Variants in NANS observed in about 807,000 individuals in gnomAD.
The protein encoded by NANS is N-acetylneuraminate-9-phosphate synthase.
A neutral mutation model predicts 33.3 loss-of-function variants in NANS; 29 were observed. That is an observed-to-expected ratio of 0.87 (90% CI 0.65 to 1.19). The LOEUF (loss-of-function observed/expected upper bound fraction) is 1.19. NANS is among the 50% of genes most tolerant of loss of function. The probability of loss-of-function intolerance (pLI) is 0.00; values close to 1 mark genes in which losing one functional copy is unlikely to be tolerated. For synonymous variants in NANS, 163 were observed against 177.2 expected, an observed-to-expected ratio of 0.92 and a Z score of 0.64; for missense variants, 394 against 461.1, an observed-to-expected ratio of 0.85 and a Z score of 1.33.
intron 2 of NANS, among the ~76,000 whole-genome samples, chr9:98,071,121 A>G (rs1338659498): frequency 6.6e-6 from 1 of 152,146 alleles, no homozygotes; most frequent in African/African-American, 2.4e-5. Context: ...CTCCTTAGTA[A>G]TTTTTAAGAA....
At chr9:98,080,705 C>T in intron 4 of NANS, 111 bp from the exon 5 acceptor site, 15 of 1,239,914 alleles carry the variant, frequency 1.2e-5, no homozygotes, top group Non-Finnish European at 1.7e-5. Flanking sequence ...TTGCCCCTGG[C>T]TGCACAGCTA....
intron 2 of NANS, chr9:98,069,663 T>A (rs1052308675): frequency 2.6e-5 from 4 of 152,244 alleles, no homozygotes. Flanking sequence ...GGGAACATAC[T>A]GTACGATTCT....
chr9:98,067,052 G>A (rs1053106807), intron 2 of NANS, among the ~76,000 whole-genome samples: 1 of 152,082 alleles, frequency 6.6e-6, no homozygotes, highest in Admixed American at 6.6e-5. Flanking sequence ...ATATAACATT[G>A]TGTTTTCATT....
At chr9:98,074,294 A>G (rs1254024085) in intron 2 of NANS, among the ~76,000 whole-genome samples, 1 of 152,138 alleles carries the variant, frequency 6.6e-6, no homozygotes, top group Non-Finnish European at 1.5e-5. Flanking sequence ...TCAGACTCCC[A>G]CAGACTTTGT....
intron 2 of NANS, among the ~76,000 whole-genome samples, chr9:98,062,082 C>T (rs117498464): frequency 1.2e-4 from 18 of 151,872 alleles, no homozygotes; most frequent in East Asian, 1.2e-3. Context: ...ATTAGCCAGG[C>T]GTGGTGGCGT....
intron 2 of NANS, among the ~76,000 whole-genome samples, chr9:98,069,900 T>C (rs1441559921): frequency 6.6e-6 from 1 of 152,160 alleles, no homozygotes; most frequent in African/African-American, 2.4e-5. Flanking sequence ...CAGAAATGAA[T>C]ACTTGTAGAA....
At chr9:98,082,762 G>C in intron 5 of NANS, 84 bp from the exon 6 acceptor site, 1 of 1,340,660 alleles carries the variant, frequency 7.5e-7, no homozygotes, top group South Asian at 1.3e-5. Flanking sequence ...GGGGAAGACT[G>C]ATCAGGGACC....
chr9:98,061,203 T>C (rs1828964656), intron 2 of NANS: 3 of 571,300 alleles, frequency 5.3e-6, no homozygotes, highest in East Asian at 6.0e-5. Flanking sequence ...CTGGCCGGGC[T>C]TGATGGCTCA....
At position 98,080,984 on chromosome 9, in the gene NANS, G is replaced by T. The variant is rs200709126; in HGVS notation, c.772G>T (p.Glu258Ter). 8.1e-6 allele frequency: 13 copies of T among 1,614,096 alleles called. No individual in the cohort carries two copies. The highest frequency in any genetic ancestry group is 1.7e-5 in the Admixed American group (1 of 60,004). ...SDHSASLEPG[E>*]LAELVRSVRL... ...CCACTCGGCCTCGCTGGAGCCTGGAGAACTGGCCGAGCTGGTGCGGTCAGT... is the reference window on the plus strand; with the variant it reads ...CCACTCGGCCTCGCTGGAGCCTGGATAACTGGCCGAGCTGGTGCGGTCAGT... Residue 258 changes from glutamate (E) to a stop codon, truncating the protein, a stop_gained, in exon 5 of 6, where the codon GAA becomes TAA. Transcript: ENST00000210444. LOFTEE classifies it high-confidence loss of function.
chr9:98,080,431 A>T (rs912849369), intron 4 of NANS, among the ~76,000 whole-genome samples: 1 of 152,232 alleles, frequency 6.6e-6, no homozygotes, highest in Non-Finnish European at 1.5e-5. Context: ...ATATTTGTGC[A>T]TATAGCACAC....
Position 98,056,976 on chromosome 9 carries a change from G to T in NANS, c.132+36G>T, listed in dbSNP as rs751005513. ...AGCTCCCGGGACCCGGGATTCGGGCGCCGGGAGGGGCGGGGCGGGGCCGCG... is the reference window on the plus strand; with the variant it reads ...AGCTCCCGGGACCCGGGATTCGGGCTCCGGGAGGGGCGGGGCGGGGCCGCG... On this transcript the variant is annotated intron_variant, in intron 1 of 5. Coordinates refer to ENST00000210444, the MANE Select transcript of NANS (RefSeq NM_018946.4). 30 of 1,537,408 alleles carry T rather than the reference G, an allele frequency of 2.0e-5. No individual in the cohort carries two copies. In the Admixed American group the frequency reaches 5.5e-4, roughly 28 times the overall value.
At chr9:98,070,579 C>T (rs374226956) in intron 2 of NANS, among the ~76,000 whole-genome samples, 9 of 152,018 alleles carry the variant, frequency 5.9e-5, no homozygotes, top group African/African-American at 1.7e-4. Flanking sequence ...CGCCACCACA[C>T]CCGACTAATT....
chr9:98,067,826 A>G (rs535840817), intron 2 of NANS, among the ~76,000 whole-genome samples: 4 of 133,840 alleles, frequency 3.0e-5, no homozygotes, highest in East Asian at 2.0e-4. Flanking sequence ...AGCTCAAGCA[A>G]TCCTCCCACC....
rs530409711 is a variant in NANS at position 98,079,159 on chromosome 9, T to C, written c.603+812T>C. Among the ~76,000 whole-genome samples the C allele has an allele frequency of 1.8e-3, 271 of 152,308 alleles. 1 individual carries two copies. Among genetic ancestry groups the C allele is most frequent in the Admixed American group, 4.6e-3 (70 of 15,290 alleles). ...CAGTCCCAAGTCGGGAAGCCTGAGA[T>C]CCCACAGCAGCTTGGTGGCAAAGCT... On this transcript the variant is annotated intron_variant, in intron 4 of 5. Coordinates refer to ENST00000210444, the MANE Select transcript of NANS (RefSeq NM_018946.4).
At chr9:98,080,698 C>T in intron 4 of NANS, 118 bp from the exon 5 acceptor site, 2 of 1,146,818 alleles carry the variant, frequency 1.7e-6, no homozygotes, top group South Asian at 1.6e-5. Context: ...CAGTATCTTG[C>T]CCCTGGCTGC....
In NANS at chr9:98,081,041, A is replaced by G. The variant is rs745933894; in HGVS notation, c.829A>G (p.Thr277Ala). Residue 277 changes from threonine to alanine, a missense_variant, in exon 5 of 6, where the codon ACC becomes GCC. Coordinates refer to ENST00000210444, the MANE Select transcript of NANS (RefSeq NM_018946.4). ...TGTGGAGCGTGCCCTGGGCTCCCCA[A>G]CCAAGCAGCTGCTGCCCTGTGAGAT... is the stretch of plus-strand genomic sequence containing the variant. ...RLVERALGSPTKQLLPCEMAC... is the reference protein window; with the variant it reads ...RLVERALGSPAKQLLPCEMAC... The G allele has an allele frequency of 1.9e-5, 31 of 1,614,008 alleles. No individual in the cohort carries two copies. The highest frequency in any genetic ancestry group is 3.3e-4 in the Middle Eastern group (2 of 6,084).
chr9:98,063,599 C>T (rs1367621177), intron 2 of NANS, among the ~76,000 whole-genome samples: 2 of 151,316 alleles, frequency 1.3e-5, no homozygotes, highest in African/African-American at 2.4e-5. Context: ...TGGAGTGCAA[C>T]GATGCAATCA....
In NANS at chr9:98,056,960, G is replaced by A. The variant is rs1828843386; in HGVS notation, c.132+20G>A. The A allele has an allele frequency of 1.3e-6, 2 of 1,562,258 alleles. No individual in the cohort carries two copies. Among genetic ancestry groups the A allele is most frequent in the Admixed American group, 3.6e-5 (2 of 55,394 alleles). On this transcript the variant is annotated intron_variant, in intron 1 of 5. Transcript: ENST00000210444. ...GCCAAGGTGAGGCGGCAGCTCCCGG[G>A]ACCCGGGATTCGGGCGCCGGGAGGG...
At chr9:98,072,413 ATT>A (rs1004255694) in intron 2 of NANS, among the ~76,000 whole-genome samples, 11 of 132,126 alleles carry the variant, frequency 8.3e-5, no homozygotes, top group Admixed American at 1.5e-4. Context: ...GGGAAAGTGC[ATT>A]TTTTTTTTTT....
Sources: gnomAD v4.1 joint callset for allele counts (sites outside exome capture counted in the v4.1 genomes callset) on GRCh38, gnomAD v4.1.1 for gene constraint, MANE v1.5 for transcripts, NCBI Gene and HGNC (gene_info 2026-07-23, HGNC 2026-07-21) for gene names.